The following ASPM variants were observed in gnomAD, a reference collection of about 807,000 sequenced individuals.
ASPM encodes assembly factor for spindle microtubules, also known as abnormal spindle-like microcephaly-associated protein.
ASPM carries 256 observed loss-of-function variants against 366.4 expected under a neutral mutation model. That is an observed-to-expected ratio of 0.70 (90% CI 0.63 to 0.77). The LOEUF is 0.77. ASPM is among the 30% of genes least tolerant of loss of function. The pLI, the probability that ASPM is intolerant of heterozygous loss-of-function variation, is 0.00. For synonymous variants in ASPM, 1,414 were observed against 1,342.9 expected, an observed-to-expected ratio of 1.05 and a Z score of -1.16; for missense variants, 4,146 against 4,090.4, an observed-to-expected ratio of 1.01 and a Z score of -0.37.
At chr1:197,125,303 G>T in intron 10 of ASPM, 112 bp from the exon 11 acceptor site, 1 of 1,298,848 alleles carries the variant, frequency 7.7e-7, no homozygotes, top group Non-Finnish European at 1.1e-6. Flanking sequence ...AGGGCTTTAT[G>T]ATCAGAAAGA....
intron 20 of ASPM, among the ~76,000 whole-genome samples, 156 bp from the exon 21 acceptor site, chr1:197,093,417 T>C (rs552274925): frequency 6.6e-6 from 1 of 151,990 alleles, no homozygotes; most frequent in Admixed American, 6.6e-5. Flanking sequence ...TGAAGCATTA[T>C]TTCTAAACTC....
intron 17 of ASPM, among the ~76,000 whole-genome samples, chr1:197,114,414 T>C (rs1557952264): frequency 6.6e-6 from 1 of 152,178 alleles, no homozygotes; most frequent in Non-Finnish European, 1.5e-5. Flanking sequence ...TTTACTGCAT[T>C]GATTGACTCC....
Position 197,090,992 on chromosome 1 carries a change from T to A in ASPM, c.9494A>T (p.His3165Leu). 1 of 1,612,560 alleles carries A rather than the reference T, an allele frequency of 6.2e-7. No homozygotes were observed. The highest frequency in any genetic ancestry group is 8.5e-7 in the Non-Finnish European group (1 of 1,178,956). The change falls in exon 23 of 28, where the codon CAT (histidine) becomes CTT (leucine). Residue 3165 changes from histidine (H) to leucine (L), a missense_variant. Physicochemically the swap from His to Leu is moderately conservative, Grantham distance 99. Around this residue, in one of 3 missense-constraint regions of ASPM, gnomAD observed 3,624 missense variants for 3,591.7 expected, o/e 1.01. Transcript: ENST00000367409. ...LQEKRFIQKY[H>L]SIKKIEHEGQ... ...TTCATGCTCAATCTTTTTGATGCTATGATATTTCTGAATAAATCTCTTTTC... is the reference window on the plus strand; with the variant it reads ...TTCATGCTCAATCTTTTTGATGCTAAGATATTTCTGAATAAATCTCTTTTC...
chr1:197,145,564 A>C (rs1658738914), intron 1 of ASPM, among the ~76,000 whole-genome samples: 1 of 152,194 alleles, frequency 6.6e-6, no homozygotes, highest in Non-Finnish European at 1.5e-5. Context: ...CTAAGGGTAC[A>C]TATGGAAACT....
rs563345090 is a variant in ASPM, at chr1:197,145,874, GAC to G, written c.297+265_297+266del. Among the ~76,000 whole-genome samples the G allele has an allele frequency of 5.5e-3, 811 of 148,700 alleles. 5 individuals are homozygous for G. The highest frequency in any genetic ancestry group is 0.019 in the African/African-American group (735 of 39,220). On this transcript the variant is annotated intron_variant, in intron 1 of 27. Coordinates refer to ENST00000367409, the MANE Select transcript of ASPM (RefSeq NM_018136.5). The stretch of plus-strand genomic sequence containing the variant: ...TATATATATATATATATATAATATT[GAC>G]ACATATATATATACTCACACACATG...
At position 197,100,842 on chromosome 1, in the gene ASPM, A is replaced by G; in HGVS notation, c.8409T>C (p.Leu2803=). ...MIQEWYKASG[L]ACSQEAEYHS... ...GATACTCTGCTTCCTGTGAACAAGC[A>G]AGGCCAGAAGCTTTATACCACTCTT... Residue 2803 remains leucine, a synonymous_variant, in exon 18 of 28, where the codon CTT becomes CTC. Coordinates refer to ENST00000367409, the MANE Select transcript of ASPM (RefSeq NM_018136.5). 1 of 1,612,654 alleles carries G rather than the reference A, an allele frequency of 6.2e-7. No individual in the cohort carries two copies. Among genetic ancestry groups the G allele is most frequent in the South Asian group, 1.1e-5 (1 of 91,062 alleles).
At chr1:197,119,134 GA>G (rs1164805824) in intron 16 of ASPM, among the ~76,000 whole-genome samples, 1 of 152,154 alleles carries the variant, frequency 6.6e-6, no homozygotes, top group Non-Finnish European at 1.5e-5. Context: ...CCAATAGATT[GA>G]AACATAAATA....
chr1:197,128,435 C>T, intron 10 of ASPM, 55 bp downstream of exon 10: 2 of 1,519,500 alleles, frequency 1.3e-6, no homozygotes, highest in Non-Finnish European at 1.8e-6. Flanking sequence ...AAAGTGTTTT[C>T]CAGAAAATGT....
In ASPM at chr1:197,086,912, G is replaced by A. The variant is rs761768584; in HGVS notation, c.10222C>T (p.His3408Tyr). Residue 3408 changes from histidine to tyrosine, a missense_variant, in exon 27 of 28, where the codon CAT (histidine) becomes TAT (tyrosine). His to Tyr is a moderately conservative substitution (Grantham distance 83, BLOSUM62 2). This residue lies in a region of ASPM where 3,624 missense variants were observed against 3,591.7 expected (regional missense o/e 1.01). Coordinates refer to ENST00000367409, the MANE Select transcript of ASPM (RefSeq NM_018136.5). ...CTTTCAGTATTCATTTTATGTTTAT[G>A]AGCTGTAAGTTTGTAGAGACTGTAA... ...RIYSLYKLTA[H>Y]KHKMNTERIL... 1.0e-4 allele frequency: 163 copies of A among 1,611,278 alleles called. No individual in the cohort carries two copies. Among genetic ancestry groups the A allele is most frequent in the Non-Finnish European group, 1.3e-4 (157 of 1,179,086 alleles).
intron 26 of ASPM, among the ~76,000 whole-genome samples, 190 bp from the exon 27 acceptor site, chr1:197,087,162 C>T (rs758264769): frequency 1.5e-4 from 23 of 152,106 alleles, no homozygotes; most frequent in Non-Finnish European, 2.8e-4. Flanking sequence ...GCAATCTCTG[C>T]CTCCCGGGTT....
At chr1:197,128,182 T>A (rs1200772306) in intron 10 of ASPM, among the ~76,000 whole-genome samples, 1 of 151,726 alleles carries the variant, frequency 6.6e-6, no homozygotes, top group Non-Finnish European at 1.5e-5. Context: ...AAAAAAGTGT[T>A]ATTTCAATGT....
Position 197,142,579 on chromosome 1 carries a change from TAA to T in ASPM, c.1671_1672del (p.Ser557ArgfsTer2), listed in dbSNP as rs587783220. ...CGAAGAGGGTGTTACCTCGTTTTTA[TAA>T]CTCTTAGATTTACTTAATATTGGAT... On this transcript the variant is annotated frameshift_variant, in exon 3 of 28. Transcript: ENST00000367409. LOFTEE classifies it high-confidence loss of function. 1.5e-5 allele frequency: 24 copies of T among 1,613,924 alleles called. No individual in the cohort carries two copies. The highest frequency in any genetic ancestry group is 5.0e-5 in the Admixed American group (3 of 60,030).
Position 197,139,563 on chromosome 1 carries a change from C to T in ASPM, c.2026+204G>A, listed in dbSNP as rs10737687. ...AAATATACAATAATTACTATAGTGA[C>T]CCTACTGATCTATTGAACATTTGGT... On this transcript the variant is annotated intron_variant, in intron 4 of 27. Transcript: ENST00000367409. 0.76 allele frequency among the ~76,000 whole-genome samples: 116,017 copies of T among 152,194 alleles called. 48,529 individuals are homozygous for T. The highest frequency in any genetic ancestry group is 0.98 in the East Asian group (5,065 of 5,174).
At chr1:197,092,756 A>T (rs1656823400) in intron 21 of ASPM, among the ~76,000 whole-genome samples, 1 of 151,916 alleles carries the variant, frequency 6.6e-6, no homozygotes. Context: ...CCTCTTTCAC[A>T]TATGGAGCCT....
rs199422181 is a variant in ASPM at position 197,100,583 on chromosome 1, G to A, written c.8668C>T (p.Gln2890Ter). 1.2e-6 allele frequency: 2 copies of A among 1,611,896 alleles called. No homozygotes were observed. The highest frequency in any genetic ancestry group is 2.2e-5 in the South Asian group (2 of 91,032). The change falls in exon 18 of 28, where the codon CAA (glutamine) becomes TAA (stop). Residue 2890 changes from glutamine (Q) to a stop codon, truncating the protein, a stop_gained. Coordinates refer to ENST00000367409, the MANE Select transcript of ASPM (RefSeq NM_018136.5). LOFTEE classifies it high-confidence loss of function. Reference protein sequence around the residue: ...LLYRKAAVVLQNHYRAFLSAK... With the variant: ...LLYRKAAVVL The stretch of plus-strand genomic sequence containing the variant: ...GACAGAAATGCTCTGTAGTGATTTT[G>A]TAAAACCACTGCTGCTTTTCTATAT...
chr1:197,125,864 A>C (rs1658076512), intron 10 of ASPM, among the ~76,000 whole-genome samples: 1 of 152,190 alleles, frequency 6.6e-6, no homozygotes, highest in Admixed American at 6.5e-5. Context: ...TTACTTATAC[A>C]ACCATAGTCT....
Position 197,102,368 on chromosome 1 carries a change from TTC to T in ASPM, c.6881_6882del (p.Arg2294LysfsTer23). 6.2e-7 allele frequency: 1 copy of T among 1,612,824 alleles called. No homozygotes were observed. On this transcript the variant is annotated frameshift_variant, in exon 18 of 28. Coordinates refer to ENST00000367409, the MANE Select transcript of ASPM (RefSeq NM_018136.5). LOFTEE classifies it high-confidence loss of function. ...SLKKTAILIQ[R>X]KYRAHLCTKH... ...TTTGTACAAAGATGTGCCCGATATT[TTC>T]TCTGAATCAAAATAGCAGTTTTCTT... is the stretch of plus-strand genomic sequence containing the variant.
rs560847421 is a variant in ASPM, at chr1:197,104,276, C to T, written c.4975G>A (p.Val1659Ile). 1.9e-6 allele frequency: 3 copies of T among 1,612,946 alleles called. No homozygotes were observed. The highest frequency in any genetic ancestry group is 1.7e-6 in the Non-Finnish European group (2 of 1,179,416). ...RKMYIHILTS[V>I]IKIQSYYRAY... The stretch of plus-strand genomic sequence containing the variant: ...CGATAATATGATTGAATCTTTATAA[C>T]AGATGTGAGGATGTGAATATACATT... The change falls in exon 18 of 28, where the codon GTT becomes ATT. Residue 1659 changes from valine (V) to isoleucine (I), a missense_variant. Around this residue, in one of 3 missense-constraint regions of ASPM, gnomAD observed 3,624 missense variants for 3,591.7 expected, o/e 1.01. Transcript: ENST00000367409.
chr1:197,127,930 C>T (rs1418378999), intron 10 of ASPM, among the ~76,000 whole-genome samples: 1 of 152,038 alleles, frequency 6.6e-6, no homozygotes, highest in East Asian at 1.9e-4. Flanking sequence ...CTTTGGGAGG[C>T]CGAGGCAGGC....
Sources: allele counts gnomAD v4.1 joint callset (sites outside exome capture counted in the v4.1 genomes callset), GRCh38; gene constraint gnomAD v4.1.1; regional missense constraint gnomAD v4.1.1; transcripts MANE v1.5; gene names NCBI Gene and HGNC (gene_info 2026-07-23, HGNC 2026-07-21).